Variants in POLQ observed in about 807,000 individuals in gnomAD.
POLQ encodes DNA polymerase theta.
Under a neutral mutation model 259.2 loss-of-function variants are expected in POLQ, and 233 were observed. The observed-to-expected ratio is 0.90, with a 90% CI of 0.81 to 1.00. POLQ has a LOEUF of 1.00. POLQ is among the 50% of genes least tolerant of loss of function. The pLI, the probability that POLQ is intolerant of heterozygous loss-of-function variation, is 0.00. For synonymous variants in POLQ, 1,025 were observed against 1,048.8 expected (o/e 0.98, Z 0.44); for missense variants, 2,871 against 3,051.6 (o/e 0.94, Z 1.39).
chr3:121,439,821 G>A (rs9883968), intron 27 of POLQ, among the ~76,000 whole-genome samples, 171 bp downstream of exon 27: 14,899 of 152,254 alleles, frequency 0.098, 1,060 homozygotes, highest in African/African-American at 0.19. Context: ...ATACTGGCAT[G>A]TGCCATCACT....
rs992790577 is a variant in POLQ at position 121,535,081 on chromosome 3, A to G, written c.741-1872T>C. On this transcript the variant is annotated intron_variant, in intron 5 of 29. Transcript: ENST00000264233. ...CAAATTTGCTGATTATATTAATCAG[A>G]TTTTCTATATCCCTAGTGATTTGGG... Among the ~76,000 whole-genome samples, 6 of 152,240 alleles carry G rather than the reference A, an allele frequency of 3.9e-5. No individual in the cohort carries two copies. The East Asian group carries it at 1.2e-3, about 29-fold the overall frequency.
At chr3:121,454,731 A>C (rs1436786539) in intron 25 of POLQ, among the ~76,000 whole-genome samples, 1 of 152,224 alleles carries the variant, frequency 6.6e-6, no homozygotes, top group African/African-American at 2.4e-5. Context: ...AGATTCATAA[A>C]GCAAGTCCTG....
chr3:121,544,237 C>T (rs1448803908), intron 2 of POLQ, among the ~76,000 whole-genome samples: 1 of 151,384 alleles, frequency 6.6e-6, no homozygotes, highest in Non-Finnish European at 1.5e-5. Context: ...CCTGTAATTC[C>T]AGCTACTTGG....
intron 6 of POLQ, 52 bp from the exon 7 acceptor site, chr3:121,529,844 A>C: frequency 4.9e-6 from 7 of 1,423,374 alleles, no homozygotes; most frequent in Non-Finnish European, 6.7e-6. Flanking sequence ...AAAGATTCTC[A>C]CATCAGTTTA....
chr3:121,528,429 T>C (rs1281238344), intron 7 of POLQ, among the ~76,000 whole-genome samples: 1 of 151,666 alleles, frequency 6.6e-6, no homozygotes, highest in Non-Finnish European at 1.5e-5. Flanking sequence ...CTGCAACCTC[T>C]GCCTCCCGGG....
At chr3:121,443,906 G>A (rs1324912444) in intron 26 of POLQ, among the ~76,000 whole-genome samples, 1 of 152,050 alleles carries the variant, frequency 6.6e-6, no homozygotes, top group Non-Finnish European at 1.5e-5. Flanking sequence ...AGATGTGTGG[G>A]TTTCTTTCTG....
chr3:121,511,852 A>G lies in POLQ; in HGVS notation c.1611+35T>C, dbSNP rs750523873. 5.0e-5 allele frequency: 77 copies of G among 1,543,570 alleles called. 1 individual carries two copies. The East Asian group carries it at 1.7e-3, about 34-fold the overall frequency. ...TAACATTTTACTAATTTAGGCATAAAAGAGCAAATGGTAATTTAGTAAATT... is the reference window on the plus strand; with the variant it reads ...TAACATTTTACTAATTTAGGCATAAGAGAGCAAATGGTAATTTAGTAAATT... On this transcript the variant is annotated intron_variant, in intron 10 of 29. Coordinates refer to ENST00000264233, the MANE Select transcript of POLQ (RefSeq NM_199420.4).
chr3:121,503,813 T>C (rs1179986573), intron 12 of POLQ, among the ~76,000 whole-genome samples: 2 of 152,190 alleles, frequency 1.3e-5, no homozygotes, highest in Non-Finnish European at 2.9e-5. Flanking sequence ...ATATACTGTA[T>C]TGTTTAGGGA....
chr3:121,432,168 A>T lies in POLQ; in HGVS notation c.*136T>A. The stretch of plus-strand genomic sequence containing the variant: ...CACTGATATATAGTTTGAAACTCTC[A>T]CTATAAAATTACTAGGCTAAGTCTA... On this transcript the variant is annotated 3_prime_UTR_variant, in exon 30 of 30. Coordinates refer to ENST00000264233, the MANE Select transcript of POLQ (RefSeq NM_199420.4). 1.3e-6 allele frequency: 1 copy of T among 765,330 alleles called. No individual in the cohort carries two copies. The highest frequency in any genetic ancestry group is 2.0e-6 in the Non-Finnish European group (1 of 507,998). 47.4% of individuals were successfully genotyped at this position (765,330 alleles called of 1,614,324 possible).
At chr3:121,456,731 A>G (rs1402169215) in intron 25 of POLQ, among the ~76,000 whole-genome samples, 2 of 152,170 alleles carry the variant, frequency 1.3e-5, no homozygotes, top group East Asian at 1.9e-4. Context: ...AGGAAATAAA[A>G]GAGGATACAA....
At chr3:121,490,829 G>A (rs148690965) in intron 15 of POLQ, among the ~76,000 whole-genome samples, 30 of 152,068 alleles carry the variant, frequency 2.0e-4, no homozygotes, top group Non-Finnish European at 1.8e-4. Context: ...CAAGGAAGGC[G>A]AATCACTTGA....
intron 12 of POLQ, among the ~76,000 whole-genome samples, chr3:121,506,301 A>AC (rs2048208661): frequency 6.6e-6 from 1 of 151,898 alleles, no homozygotes; most frequent in Admixed American, 6.6e-5. Flanking sequence ...AAAAACAAAA[A>AC]AACACACACA....
chr3:121,518,700 C>T (rs1378752156), intron 9 of POLQ, among the ~76,000 whole-genome samples: 1 of 151,996 alleles, frequency 6.6e-6, no homozygotes. Context: ...ATCCACTTTC[C>T]TTATTCTCCT....
Position 121,487,423 on chromosome 3 carries a change from A to G in POLQ, c.5508T>C (p.Leu1836=), listed in dbSNP as rs1197322425. 7 of 1,613,958 alleles carry G rather than the reference A, an allele frequency of 4.3e-6. No individual in the cohort carries two copies. The highest frequency in any genetic ancestry group is 5.1e-6 in the Non-Finnish European group (6 of 1,179,988). The change falls in exon 16 of 30, where the codon CTT becomes CTC. Residue 1836 remains leucine, a synonymous_variant. Coordinates refer to ENST00000264233, the MANE Select transcript of POLQ (RefSeq NM_199420.4). The part of the protein sequence containing the change: ...SIIDVASDQN[L]FQTFIKEWRC... ...GCCACTCCTTAATGAATGTTTGGAA[A>G]AGATTTTGGTCACTTGCTACATCAA...
At chr3:121,530,075 C>T (rs903533987) in intron 6 of POLQ, among the ~76,000 whole-genome samples, 1 of 152,034 alleles carries the variant, frequency 6.6e-6, no homozygotes, top group African/African-American at 2.4e-5. Flanking sequence ...AGTCAAGATC[C>T]TAATAGTCAA....
At position 121,479,489 on chromosome 3, in the gene POLQ, T is replaced by A. The variant is rs1393368817; in HGVS notation, c.6211+2083A>T. ...TGTTTGTTTGTTTTTGTGATACAGATCCTCACTCTATTGCCCAGACTGGAG... is the reference window on the plus strand; with the variant it reads ...TGTTTGTTTGTTTTTGTGATACAGAACCTCACTCTATTGCCCAGACTGGAG... On this transcript the variant is annotated intron_variant, in intron 19 of 29. Transcript: ENST00000264233. 3.3e-5 allele frequency among the ~76,000 whole-genome samples: 5 copies of A among 152,228 alleles called. No individual in the cohort carries two copies. The East Asian group carries it at 9.6e-4, about 29-fold the overall frequency.
In POLQ at chr3:121,519,968, C is replaced by T. The variant is rs1350411233; in HGVS notation, c.1371G>A (p.Val457=). The change falls in exon 9 of 30, where the codon GTG becomes GTA. Residue 457 remains valine, a synonymous_variant. Coordinates refer to ENST00000264233, the MANE Select transcript of POLQ (RefSeq NM_199420.4). ...SSGVNLPARR[V]IIRTPIFGGR... ...CACCAAAAATAGGGGTTCGAATAAT[C>T]ACACGACGTGCAGGTAAATTCACCC... is the stretch of plus-strand genomic sequence containing the variant. The T allele has an allele frequency of 3.1e-6, 5 of 1,612,166 alleles. No individual in the cohort carries two copies. In the African/African-American group the frequency reaches 5.3e-5, roughly 17 times the overall value.
At chr3:121,478,591 A>G (rs1031672305) in intron 19 of POLQ, among the ~76,000 whole-genome samples, 1 of 150,980 alleles carries the variant, frequency 6.6e-6, no homozygotes, top group Admixed American at 6.6e-5. Flanking sequence ...AAAAAAAAAA[A>G]AAAAAAAAAG....
intron 26 of POLQ, among the ~76,000 whole-genome samples, chr3:121,443,356 A>G (rs2047608967): frequency 6.6e-6 from 1 of 152,210 alleles, no homozygotes; most frequent in South Asian, 2.1e-4. Context: ...CTGATGATCA[A>G]TGATGTTGAG....
Sources: allele counts gnomAD v4.1 joint callset (sites outside exome capture counted in the v4.1 genomes callset), GRCh38; gene constraint gnomAD v4.1.1; transcripts MANE v1.5; gene names NCBI Gene and HGNC (gene_info 2026-07-23, HGNC 2026-07-21).